The following KDM4B variants were observed in gnomAD, a reference collection of about 807,000 sequenced individuals.
KDM4B encodes the protein lysine-specific demethylase 4B.
In KDM4B, 32 loss-of-function variants were observed where a neutral mutation model predicts 125.2. The observed-to-expected ratio is 0.26, with a 90% CI of 0.19 to 0.34. KDM4B has a LOEUF of 0.34. KDM4B is among the 10% of genes least tolerant of loss of function. KDM4B has a pLI of 1.00. For synonymous variants in KDM4B, 721 were observed against 677.9 expected (o/e 1.06, Z -0.99); for missense variants, 1,190 against 1,577.7 (o/e 0.75, Z 4.16).
chr19:5,068,129 T>C (rs2037833085), intron 6 of KDM4B, among the ~76,000 whole-genome samples: 1 of 149,322 alleles, frequency 6.7e-6, no homozygotes, highest in Non-Finnish European at 1.5e-5. Context: ...CAAGGCCAAA[T>C]GTCAGGGATG....
intron 3 of KDM4B, among the ~76,000 whole-genome samples, chr19:5,034,817 A>G (rs958232427): frequency 6.6e-6 from 1 of 152,102 alleles, no homozygotes; most frequent in African/African-American, 2.4e-5. Flanking sequence ...CCCCTCCAAG[A>G]TGGATGTTTT....
At chr19:5,049,015 G>A (rs1048285778) in intron 6 of KDM4B, among the ~76,000 whole-genome samples, 42 of 152,322 alleles carry the variant, frequency 2.8e-4, no homozygotes, top group African/African-American at 1.0e-3. Context: ...GGCCCCGGGG[G>A]TTGCTGGCTG....
intron 10 of KDM4B, among the ~76,000 whole-genome samples, chr19:5,118,919 G>T (rs1283193550): frequency 6.6e-6 from 1 of 152,088 alleles, no homozygotes; most frequent in Non-Finnish European, 1.5e-5. Flanking sequence ...TGGGCTCAGG[G>T]CGCAGAGGAG....
chr19:5,119,959 A>ATCT, intron 11 of KDM4B, 107 bp downstream of exon 11: 1 of 1,350,884 alleles, frequency 7.4e-7, no homozygotes, highest in Non-Finnish European at 9.9e-7. Flanking sequence ...TTTTGTAAGA[A>ATCT]TCTGATTCAG....
rs1470291988 is a variant in KDM4B, at chr19:5,080,887, GT to G, written c.781-1479del. On this transcript the variant is annotated intron_variant, in intron 8 of 22. Transcript: ENST00000159111. Reference sequence around the variant, plus strand: ...AGAAATGAAAAGGAGCGGTCGCCTGGTGCACAGGACAGTGGGAACAAATCTC... The same window carrying G: ...AGAAATGAAAAGGAGCGGTCGCCTGGGCACAGGACAGTGGGAACAAATCTC... 8 of 152,356 alleles carry G rather than the reference GT, an allele frequency of 5.3e-5. No individual in the cohort carries two copies. The East Asian group carries it at 9.6e-4, about 18-fold the overall frequency. 9.4% of individuals were successfully genotyped at this position (152,356 alleles called of 1,614,324 possible).
At chr19:5,066,856 G>C (rs189257730) in intron 6 of KDM4B, among the ~76,000 whole-genome samples, 3 of 152,204 alleles carry the variant, frequency 2.0e-5, no homozygotes, top group African/African-American at 7.2e-5. Context: ...GGTACGGGGG[G>C]CAGACAGCCA....
chr19:5,093,648 C>T (rs946768984), intron 9 of KDM4B, among the ~76,000 whole-genome samples: 2 of 152,202 alleles, frequency 1.3e-5, no homozygotes, highest in Non-Finnish European at 2.9e-5. Flanking sequence ...CGGTGTTTAA[C>T]GCTTTGTGTG....
chr19:5,055,227 G>A lies in KDM4B; in HGVS notation c.626+7558G>A, dbSNP rs74691167. On this transcript the variant is annotated intron_variant, in intron 6 of 22. Coordinates refer to ENST00000159111, the MANE Select transcript of KDM4B (RefSeq NM_015015.3). Reference sequence around the variant, plus strand: ...AGAACACCTCTCGGCCAGGGTGACCGGGAAACCCGGGGCACATCGGGGCAC... The same window carrying A: ...AGAACACCTCTCGGCCAGGGTGACCAGGAAACCCGGGGCACATCGGGGCAC... 2.5e-3 allele frequency among the ~76,000 whole-genome samples: 383 copies of A among 152,332 alleles called. 2 individuals are homozygous for A. The highest frequency in any genetic ancestry group is 8.9e-3 in the African/African-American group (369 of 41,578).
intron 1 of KDM4B, among the ~76,000 whole-genome samples, chr19:5,014,926 C>T (rs1406036651): frequency 7.3e-5 from 11 of 149,994 alleles, no homozygotes; most frequent in Admixed American, 3.3e-4. Context: ...ACCCGGCAGG[C>T]GGAGGTTGCA....
chr19:5,112,023 A>T, intron 10 of KDM4B: 4 of 564,222 alleles, frequency 7.1e-6, no homozygotes, highest in Non-Finnish European at 1.3e-5. Context: ...GAGGCCAAGG[A>T]AGGAGGATTG....
chr19:4,994,136 G>A (rs535909873), intron 1 of KDM4B, among the ~76,000 whole-genome samples: 6 of 149,832 alleles, frequency 4.0e-5, no homozygotes, highest in Admixed American at 1.3e-4. Context: ...CTGTAGAGAC[G>A]GGTTTTGCCA....
rs1272005003 is a variant in KDM4B, at chr19:5,078,660, G to C, written c.780+1190G>C. The stretch of plus-strand genomic sequence containing the variant: ...TCTCCAAAGTGGTGCTTCCTGGAGG[G>C]GGGTGCCCATCGAAGGGGTGGGCAG... On this transcript the variant is annotated intron_variant, in intron 8 of 22. Coordinates refer to ENST00000159111, the MANE Select transcript of KDM4B (RefSeq NM_015015.3). The surrounding 1 kb of genome is among the most constrained non-coding windows in gnomAD (Gnocchi z 4.5). 6.6e-6 allele frequency: 1 copy of C among 152,332 alleles called. No individual in the cohort carries two copies. Among genetic ancestry groups the C allele is most frequent in the Non-Finnish European group, 1.5e-5 (1 of 68,224 alleles). 9.4% of individuals were successfully genotyped at this position (152,332 alleles called of 1,614,324 possible).
intron 1 of KDM4B, among the ~76,000 whole-genome samples, chr19:5,003,336 C>A (rs1449786349): frequency 6.6e-6 from 1 of 152,122 alleles, no homozygotes; most frequent in Non-Finnish European, 1.5e-5. Context: ...TAAAAATTAG[C>A]TGGGTGTGGT....
chr19:5,042,500 GAA>G (rs536876348), intron 5 of KDM4B, among the ~76,000 whole-genome samples: 12 of 102,230 alleles, frequency 1.2e-4, no homozygotes, highest in Non-Finnish European at 1.1e-4. Flanking sequence ...TACGTCACAA[GAA>G]AAAAAAAAAA....
At chr19:4,982,705 C>T (rs193156299) in intron 1 of KDM4B, among the ~76,000 whole-genome samples, 101 of 151,876 alleles carry the variant, frequency 6.7e-4, no homozygotes, top group East Asian at 3.9e-4. Context: ...CTCCACCTCC[C>T]GGGTTCAAGC....
chr19:5,126,187 G>A (rs1404510545), intron 11 of KDM4B, among the ~76,000 whole-genome samples: 1 of 152,134 alleles, frequency 6.6e-6, no homozygotes, highest in Non-Finnish European at 1.5e-5. Flanking sequence ...CGGGGAGGAA[G>A]CCCCTCAGGA....
chr19:5,146,953 A>C (rs1568327621), intron 21 of KDM4B, among the ~76,000 whole-genome samples: 1 of 150,540 alleles, frequency 6.6e-6, no homozygotes, highest in Non-Finnish European at 1.5e-5. Flanking sequence ...AAAAAAAAAA[A>C]AAAAAAAAAC....
At chr19:5,063,966 A>C (rs2037686078) in intron 6 of KDM4B, among the ~76,000 whole-genome samples, 1 of 152,184 alleles carries the variant, frequency 6.6e-6, no homozygotes. Flanking sequence ...GGGCTGAGAC[A>C]GCAGCTCTCT....
At position 5,131,895 on chromosome 19, in the gene KDM4B, C is replaced by T. The variant is rs1439669435; in HGVS notation, c.1794C>T (p.Ser598=). The change falls in exon 13 of 23, where the codon TCC becomes TCT. Residue 598 remains serine, a synonymous_variant. Coordinates refer to ENST00000159111, the MANE Select transcript of KDM4B (RefSeq NM_015015.3). ...KARAGEGQAP[S]TFSKLKMEIK... ...CCTGTTGTGTGTTTCAGGCACCGTC[C>T]ACATTTTCCAAATTGAAGATGGAGA... 1.2e-6 allele frequency: 2 copies of T among 1,612,822 alleles called. No individual in the cohort carries two copies. Among genetic ancestry groups the T allele is most frequent in the Non-Finnish European group, 1.7e-6 (2 of 1,179,872 alleles).
Sources: gnomAD v4.1 joint callset for allele counts (sites outside exome capture counted in the v4.1 genomes callset) on GRCh38, gnomAD v4.1.1 for gene constraint, Gnocchi (gnomAD v3.1) non-coding constraint, MANE v1.5 for transcripts, NCBI Gene and HGNC (gene_info 2026-07-23, HGNC 2026-07-21) for gene names.